PREX2: variants seen among roughly 807,000 people sequenced by gnomAD.
PREX2 encodes phosphatidylinositol-3,4,5-trisphosphate dependent Rac exchange factor 2, also known as phosphatidylinositol 3,4,5-trisphosphate-dependent Rac exchanger 2 protein.
In PREX2, 107 loss-of-function variants were observed where a neutral mutation model predicts 203.2. The observed-to-expected ratio is 0.53, with a 90% confidence interval of 0.45 to 0.62. PREX2 has a LOEUF of 0.62. Among genes scored for constraint, PREX2 ranks in the 20% least tolerant of loss-of-function variants. The pLI is 0.00. For missense variants in PREX2, 1,777 were observed against 1,955.9 expected, an observed-to-expected ratio of 0.91 and a Z score of 1.72; for synonymous variants, 672 against 663.6, an observed-to-expected ratio of 1.01 and a Z score of -0.19.
chr8:68,188,747 T>C (rs1395398720), intron 35 of PREX2, among the ~76,000 whole-genome samples: 1 of 152,098 alleles, frequency 6.6e-6, no homozygotes, highest in East Asian at 1.9e-4. Context: ...GAGAACAGTA[T>C]GGGGGAAACA....
intron 1 of PREX2, among the ~76,000 whole-genome samples, chr8:68,008,988 A>G (rs909936374): frequency 6.6e-6 from 1 of 152,248 alleles, no homozygotes; most frequent in Non-Finnish European, 1.5e-5. Flanking sequence ...TTTAAAGAAT[A>G]AAACAAGTTC....
chr8:67,987,223 C>A (rs1470061114), intron 1 of PREX2, among the ~76,000 whole-genome samples: 1 of 144,314 alleles, frequency 6.9e-6, no homozygotes, highest in Non-Finnish European at 1.5e-5. Flanking sequence ...GCTCCTTTTT[C>A]AAGTCATTGT....
intron 1 of PREX2, among the ~76,000 whole-genome samples, chr8:67,966,683 A>G (rs1378723560): frequency 1.3e-5 from 2 of 152,224 alleles, no homozygotes; most frequent in Non-Finnish European, 2.9e-5. Context: ...TGCAAAACCA[A>G]CTTTATTAAG....
rs1045728914 is a variant in PREX2 at position 68,170,434 on chromosome 8, G to A, written c.4346+12998G>A. ...ATGGCTGGCCTGACCATTTTCCCCCGGTCTCCTGTGGAAACACGAACAGAG... is the reference window on the plus strand; with the variant it reads ...ATGGCTGGCCTGACCATTTTCCCCCAGTCTCCTGTGGAAACACGAACAGAG... On this transcript the variant is annotated intron_variant, in intron 35 of 39. Coordinates refer to ENST00000288368, the MANE Select transcript of PREX2 (RefSeq NM_024870.4). Among the ~76,000 whole-genome samples the A allele has an allele frequency of 4.6e-5, 7 of 152,202 alleles. 1 individual carries two copies. Among genetic ancestry groups the A allele is most frequent in the South Asian group, 4.1e-4 (2 of 4,832 alleles).
chr8:67,962,764 G>A (rs190854906), intron 1 of PREX2, among the ~76,000 whole-genome samples: 261 of 151,552 alleles, frequency 1.7e-3, no homozygotes, highest in Non-Finnish European at 3.0e-3. Context: ...CTGCCACCAC[G>A]CCTGGATAAT....
intron 30 of PREX2, among the ~76,000 whole-genome samples, chr8:68,126,971 A>T (rs990713383): frequency 3.3e-5 from 5 of 151,962 alleles, no homozygotes; most frequent in African/African-American, 1.2e-4. Flanking sequence ...CAGTAGCAAA[A>T]ATATTGTTTG....
chr8:68,055,474 A>C (rs780634141), intron 9 of PREX2, among the ~76,000 whole-genome samples: 6 of 151,522 alleles, frequency 4.0e-5, no homozygotes, highest in Non-Finnish European at 8.8e-5. Flanking sequence ...TTTTTCTACC[A>C]GAACTGTCTC....
In PREX2 at chr8:68,236,307, G is replaced by A. The variant is rs1254859975; in HGVS notation, c.*4929G>A. ...TAGCTTTGGAGAGTTAATTTTAGGT[G>A]CGAATAACAGGATAAATGCTATCTG... On this transcript the variant is annotated 3_prime_UTR_variant, in exon 40 of 40. Transcript: ENST00000288368. The A allele has an allele frequency of 6.6e-6, 1 of 152,140 alleles. No homozygotes were observed. Among genetic ancestry groups the A allele is most frequent in the Non-Finnish European group, 1.5e-5 (1 of 68,004 alleles). 9.4% of individuals were successfully genotyped at this position (152,140 alleles called of 1,614,324 possible). A position where few individuals can be genotyped will look rare whatever the true frequency, so the allele number is the denominator to read the frequency against.
intron 1 of PREX2, among the ~76,000 whole-genome samples, chr8:68,002,705 T>C (rs1392477548): frequency 6.6e-6 from 1 of 152,100 alleles, no homozygotes; most frequent in African/African-American, 2.4e-5. Flanking sequence ...AAAATGTGAG[T>C]GGTTCAAGCT....
intron 35 of PREX2, among the ~76,000 whole-genome samples, chr8:68,163,142 A>G (rs1585837923): frequency 6.6e-6 from 1 of 152,332 alleles, no homozygotes; most frequent in East Asian, 1.9e-4. Context: ...TAGACAACAT[A>G]CAAAAAAAAG....
At chr8:68,195,038 G>A (rs904522506) in intron 37 of PREX2, among the ~76,000 whole-genome samples, 8 of 152,066 alleles carry the variant, frequency 5.3e-5, no homozygotes, top group African/African-American at 1.9e-4. Flanking sequence ...GGAACCAAGG[G>A]GGTCCTTCAG....
At chr8:68,059,946 G>C (rs13282930) in intron 10 of PREX2, among the ~76,000 whole-genome samples, 45,151 of 152,086 alleles carry the variant, frequency 0.3, 6,874 homozygotes, top group Admixed American at 0.32. Context: ...CTGACTTCCT[G>C]TCATGCCACT....
chr8:68,107,775 G>T (rs76685324), intron 23 of PREX2, among the ~76,000 whole-genome samples: 7,050 of 152,242 alleles, frequency 0.046, 238 homozygotes, highest in Non-Finnish European at 0.073. Flanking sequence ...GATGCCACTT[G>T]CCCTGTCAGG....
intron 1 of PREX2, among the ~76,000 whole-genome samples, chr8:67,953,743 T>A (rs922487096): frequency 2.6e-5 from 4 of 152,298 alleles, no homozygotes; most frequent in African/African-American, 4.8e-5. Context: ...CTTCTCAAAA[T>A]CAATATACTT....
chr8:68,174,102 C>T (rs1395674153), intron 35 of PREX2, among the ~76,000 whole-genome samples: 1 of 152,072 alleles, frequency 6.6e-6, no homozygotes, highest in Admixed American at 6.6e-5. Context: ...TTTCCTATTG[C>T]TTTTGCTCAG....
At chr8:68,078,119 A>G (rs1443807202) in intron 15 of PREX2, among the ~76,000 whole-genome samples, 1 of 152,104 alleles carries the variant, frequency 6.6e-6, no homozygotes, top group Non-Finnish European at 1.5e-5. Context: ...CCTGTTCGTA[A>G]CATCATATAG....
At chr8:68,124,550 T>C (rs917696417) in intron 30 of PREX2, among the ~76,000 whole-genome samples, 1 of 152,088 alleles carries the variant, frequency 6.6e-6, no homozygotes, top group African/African-American at 2.4e-5. Context: ...TTAGGCTTAA[T>C]ACCTGGGTGA....
At chr8:67,999,068 A>G (rs1227719133) in intron 1 of PREX2, among the ~76,000 whole-genome samples, 4 of 152,176 alleles carry the variant, frequency 2.6e-5, no homozygotes, top group Admixed American at 1.3e-4. Context: ...ATTGAAATAC[A>G]TAAATTCTGG....
Position 67,987,459 on chromosome 8 carries a change from T to C in PREX2, c.142-30387T>C, listed in dbSNP as rs138371702. On this transcript the variant is annotated intron_variant, in intron 1 of 39. Transcript: ENST00000288368. The stretch of plus-strand genomic sequence containing the variant: ...CAGGGGTTGTCTTTCTGTGGGGAGA[T>C]TGATGTGCACTGGGGCAAAATTTCA... 7.9e-5 allele frequency among the ~76,000 whole-genome samples: 12 copies of C among 152,222 alleles called. No homozygotes were observed. In the East Asian group the frequency reaches 2.3e-3, roughly 29 times the overall value.
Sources: allele counts gnomAD v4.1 joint callset (sites outside exome capture counted in the v4.1 genomes callset), GRCh38; gene constraint gnomAD v4.1.1; transcripts MANE v1.5; gene names NCBI Gene and HGNC (gene_info 2026-07-23, HGNC 2026-07-21).